The following RYR3 variants were observed in gnomAD, a reference collection of about 807,000 sequenced individuals.
RYR3 encodes the protein brain ryanodine receptor-calcium release channel.
Under a neutral mutation model 584.3 loss-of-function variants are expected in RYR3, and 207 were observed. The ratio of observed to expected loss-of-function variants is 0.35; its 90% confidence interval spans 0.32 to 0.40. The LOEUF (loss-of-function observed/expected upper bound fraction) is 0.40. Among genes scored for constraint, RYR3 ranks in the 10% least tolerant of loss-of-function variants. RYR3 has a pLI of 1.00. For missense variants in RYR3, 5,616 were observed against 6,089.2 expected (o/e 0.92, Z 2.59); for synonymous variants, 2,416 against 2,248.5 (o/e 1.07, Z -2.11).
In RYR3 at chr15:33,390,511, C is replaced by T. The variant is rs890338221; in HGVS notation, c.51+79415C>T. ...ATGCTGAAAATAGGGGAAAGTTCGA[C>T]GCATTTGTTTTCACGACTTCTTCTT... On this transcript the variant is annotated intron_variant, in intron 1 of 103. Coordinates refer to ENST00000634891, the MANE Select transcript of RYR3 (RefSeq NM_001036.6). The surrounding 1 kb of genome is among the most constrained non-coding windows in gnomAD (Gnocchi z 4.2). 2.6e-5 allele frequency among the ~76,000 whole-genome samples: 4 copies of T among 152,132 alleles called. No homozygotes were observed. The highest frequency in any genetic ancestry group is 1.9e-4 in the East Asian group (1 of 5,200).
intron 44 of RYR3, among the ~76,000 whole-genome samples, chr15:33,723,585 T>C (rs1277171234): frequency 6.6e-6 from 1 of 152,168 alleles, no homozygotes; most frequent in Non-Finnish European, 1.5e-5. Context: ...GTTGGCTTTT[T>C]TCTTTGTCAT....
intron 65 of RYR3, among the ~76,000 whole-genome samples, chr15:33,783,631 C>T (rs985854360): frequency 6.6e-6 from 1 of 152,182 alleles, no homozygotes; most frequent in Admixed American, 6.5e-5. Flanking sequence ...TGAGCCTTAT[C>T]GTTTATAATC....
chr15:33,757,494 A>T lies in RYR3; in HGVS notation c.8603A>T (p.Asp2868Val). ...TCCCAGGTTCTCCTCCCGCTGGTTG[A>T]CCAGTACTTCACCAGTCATTGCCTC... ...FFAKVLLPLV[D>V]QYFTSHCLYF... Residue 2868 changes from aspartate (D) to valine (V), a missense_variant, in exon 60 of 104, where the codon GAC (aspartate) becomes GTC (valine). Physicochemically the swap from Asp to Val is radical, Grantham distance 152. Around this residue, in one of 9 missense-constraint regions of RYR3, gnomAD observed 1,280 missense variants for 1,426.2 expected, o/e 0.90. Transcript: ENST00000634891. 6.2e-7 allele frequency: 1 copy of T among 1,608,652 alleles called. No individual in the cohort carries two copies.
chr15:33,520,115 C>A (rs1208545144), intron 3 of RYR3, among the ~76,000 whole-genome samples: 1 of 152,156 alleles, frequency 6.6e-6, no homozygotes, highest in Non-Finnish European at 1.5e-5. Flanking sequence ...GGAGGAGGAT[C>A]AGATAACAAA....
chr15:33,790,396 G>A (rs910122334), intron 67 of RYR3, among the ~76,000 whole-genome samples: 2 of 152,134 alleles, frequency 1.3e-5, no homozygotes, highest in Admixed American at 1.3e-4. Context: ...CAGATTCTGG[G>A]TCTGTTTTGA....
intron 52 of RYR3, among the ~76,000 whole-genome samples, chr15:33,744,903 G>A (rs1423118928): frequency 6.6e-6 from 1 of 152,210 alleles, no homozygotes; most frequent in East Asian, 1.9e-4. Flanking sequence ...AACATTCGAA[G>A]TCAGTAGTGT....
chr15:33,456,644 T>G (rs994689547), intron 1 of RYR3, among the ~76,000 whole-genome samples: 2 of 152,130 alleles, frequency 1.3e-5, no homozygotes, highest in Non-Finnish European at 2.9e-5. Context: ...GGAGGTTACA[T>G]TTGCACAAAA....
intron 1 of RYR3, among the ~76,000 whole-genome samples, chr15:33,451,012 ATGT>A (rs1376123476): frequency 1.3e-5 from 2 of 152,150 alleles, no homozygotes; most frequent in African/African-American, 4.8e-5. Context: ...AAACAACCCA[ATGT>A]TGTTAGAGGC....
At chr15:33,386,166 A>G (rs2041588846) in intron 1 of RYR3, among the ~76,000 whole-genome samples, 1 of 152,300 alleles carries the variant, frequency 6.6e-6, no homozygotes, top group Non-Finnish European at 1.5e-5. Flanking sequence ...ATACAGCCTG[A>G]AATTCTTTTC....
intron 82 of RYR3, 121 bp from the exon 83 acceptor site, chr15:33,826,131 C>T (rs1282538222): frequency 3.1e-6 from 3 of 954,652 alleles, no homozygotes; most frequent in Non-Finnish European, 3.3e-6. Context: ...CCATCGGTAG[C>T]TTTAATAAAG....
At chr15:33,385,342 A>G (rs911591744) in intron 1 of RYR3, among the ~76,000 whole-genome samples, 4 of 152,192 alleles carry the variant, frequency 2.6e-5, no homozygotes, top group African/African-American at 9.7e-5. Context: ...TTTGCTAACA[A>G]CAGAGAAAAT....
chr15:33,553,322 T>C lies in RYR3; in HGVS notation c.972+3006T>C, dbSNP rs151290872. Among the ~76,000 whole-genome samples, 649 of 152,324 alleles carry C rather than the reference T, an allele frequency of 4.3e-3. 6 individuals carry two copies. Among genetic ancestry groups the C allele is most frequent in the African/African-American group, 0.01 (425 of 41,572 alleles). ...GACGAGCTTCCCAGTCCACATTTTC[T>C]GTCAGGTTGCATTAGCTTGTGACAG... On this transcript the variant is annotated intron_variant, in intron 10 of 103. Coordinates refer to ENST00000634891, the MANE Select transcript of RYR3 (RefSeq NM_001036.6).
Position 33,566,907 on chromosome 15 carries a change from A to G in RYR3, c.1268+108A>G, listed in dbSNP as rs1301045159. On this transcript the variant is annotated intron_variant, in intron 12 of 103. Coordinates refer to ENST00000634891, the MANE Select transcript of RYR3 (RefSeq NM_001036.6). ...GTGAATGTTTTCAGGAAATAATGAT[A>G]CACCAGCAAAGAGTTTTACCATCAA... 20 of 1,242,878 alleles carry G rather than the reference A, an allele frequency of 1.6e-5. No homozygotes were observed. In the African/African-American group the frequency reaches 2.5e-4, roughly 16 times the overall value. 77.0% of individuals were successfully genotyped at this position (1,242,878 alleles called of 1,614,324 possible).
intron 10 of RYR3, among the ~76,000 whole-genome samples, chr15:33,559,556 C>G (rs2057292672): frequency 6.6e-6 from 1 of 152,096 alleles, no homozygotes; most frequent in South Asian, 2.1e-4. Flanking sequence ...CTGGGGTAAA[C>G]AGTTTGGGAT....
chr15:33,440,954 C>G (rs949300794), intron 1 of RYR3, among the ~76,000 whole-genome samples: 3 of 152,238 alleles, frequency 2.0e-5, no homozygotes, highest in Non-Finnish European at 4.4e-5. Context: ...CAGTAAGACT[C>G]TCACTGGCTC....
At chr15:33,532,125 T>C (rs532698754) in intron 4 of RYR3, among the ~76,000 whole-genome samples, 1 of 152,162 alleles carries the variant, frequency 6.6e-6, no homozygotes, top group Non-Finnish European at 1.5e-5. Context: ...TGATTTTCCA[T>C]CTTCCTCTCG....
At chr15:33,707,909 A>G (rs1484403302) in intron 43 of RYR3, among the ~76,000 whole-genome samples, 5 of 151,992 alleles carry the variant, frequency 3.3e-5, no homozygotes, top group African/African-American at 1.2e-4. Context: ...CTCCCATTTC[A>G]CCTGCTTACT....
intron 8 of RYR3, among the ~76,000 whole-genome samples, chr15:33,547,864 C>T (rs2056363912): frequency 6.6e-6 from 1 of 152,202 alleles, no homozygotes; most frequent in South Asian, 2.1e-4. Flanking sequence ...GTTCTTGTTC[C>T]TGCCTTTCCC....
intron 1 of RYR3, among the ~76,000 whole-genome samples, chr15:33,328,368 C>T (rs1002833098): frequency 3.9e-5 from 6 of 152,136 alleles, no homozygotes; most frequent in Non-Finnish European, 7.4e-5. Context: ...TTTAAGTGTG[C>T]TTAACTAAGT....
Sources: gnomAD v4.1 joint callset for allele counts (sites outside exome capture counted in the v4.1 genomes callset) on GRCh38, gnomAD v4.1.1 for gene constraint, gnomAD v4.1.1 regional missense constraint, Gnocchi (gnomAD v3.1) non-coding constraint, MANE v1.5 for transcripts, NCBI Gene and HGNC (gene_info 2026-07-23, HGNC 2026-07-21) for gene names.